OPHN1: variants seen among roughly 807,000 people sequenced by gnomAD.
OPHN1 encodes oligophrenin 1.
In OPHN1, 11 loss-of-function variants were observed where a neutral mutation model predicts 60.7. The observed-to-expected ratio is 0.18, with a 90% CI of 0.11 to 0.30. The LOEUF (loss-of-function observed/expected upper bound fraction) is 0.30, where lower values mean the gene tolerates loss of function less well. Among genes scored for constraint, OPHN1 ranks in the 10% least tolerant of loss-of-function variants. The probability of loss-of-function intolerance (pLI) is 1.00; values close to 1 mark genes in which losing one functional copy is unlikely to be tolerated. For synonymous variants in OPHN1, 226 were observed against 222.6 expected (o/e 1.02, Z -0.14); for missense variants, 449 against 611.0 (o/e 0.73, Z 2.80).
At chrX:68,140,586 C>T (rs143379669) in intron 15 of OPHN1, among the ~76,000 whole-genome samples, 1,318 of 109,840 alleles carry the variant, frequency 0.012, 20 homozygotes, top group African/African-American at 0.042. Context: ...GGAACCTTGG[C>T]CATAAGTGAA....
chrX:68,286,832 G>A (rs771550572), intron 3 of OPHN1, among the ~76,000 whole-genome samples: 2 of 109,962 alleles, frequency 1.8e-5, no homozygotes, highest in Admixed American at 9.8e-5. Flanking sequence ...CCTGGCCAAC[G>A]TGGAGAAACT....
At chrX:68,373,711 A>G (rs1446585931) in intron 2 of OPHN1, among the ~76,000 whole-genome samples, 1 of 112,114 alleles carries the variant, frequency 8.9e-6, no homozygotes, top group African/African-American at 3.2e-5. Context: ...AATGAATACT[A>G]ATAATAACTG....
At chrX:68,225,671 G>T (rs1177013872) in intron 6 of OPHN1, among the ~76,000 whole-genome samples, 1 of 112,361 alleles carries the variant, frequency 8.9e-6, no homozygotes, top group Admixed American at 9.4e-5. Flanking sequence ...CTGACTGTTA[G>T]AAGGAAAACT....
intron 4 of OPHN1, among the ~76,000 whole-genome samples, chrX:68,282,716 C>T (rs1409674034): frequency 9.0e-6 from 1 of 111,507 alleles, no homozygotes; most frequent in Non-Finnish European, 1.9e-5. Context: ...AACTACTCCA[C>T]AAATTAAAGA....
At chrX:68,355,243 G>T (rs955939705) in intron 2 of OPHN1, among the ~76,000 whole-genome samples, 10 of 112,423 alleles carry the variant, frequency 8.9e-5, no homozygotes, top group Admixed American at 5.7e-4. Flanking sequence ...GCAAGAAAAC[G>T]AATTCATTTT....
At chrX:68,051,455 T>G (rs1366781913) in intron 23 of OPHN1, among the ~76,000 whole-genome samples, 1 of 111,590 alleles carries the variant, frequency 9.0e-6, no homozygotes, top group African/African-American at 3.3e-5. Flanking sequence ...GCCCCACTAC[T>G]AGAGATTCTG....
intron 15 of OPHN1, among the ~76,000 whole-genome samples, chrX:68,169,947 A>C (rs1376250716): frequency 3.6e-4 from 39 of 108,696 alleles, no homozygotes; most frequent in African/African-American, 1.3e-3. Flanking sequence ...TAATTAAACT[A>C]AAGAGCTTCT....
At chrX:68,141,451 ATCTT>A (rs2077242331) in intron 15 of OPHN1, among the ~76,000 whole-genome samples, 1 of 112,031 alleles carries the variant, frequency 8.9e-6, no homozygotes, top group African/African-American at 3.2e-5. Context: ...GGAAAAGTGT[ATCTT>A]AGAATCAATG....
At chrX:68,163,017 C>T (rs2077341527) in intron 15 of OPHN1, among the ~76,000 whole-genome samples, 1 of 110,866 alleles carries the variant, frequency 9.0e-6, no homozygotes, top group African/African-American at 3.3e-5. Flanking sequence ...TGAATCTTTG[C>T]AAAGGAAGAC....
chrX:68,167,952 G>A (rs1029625098), intron 15 of OPHN1, among the ~76,000 whole-genome samples: 5 of 110,988 alleles, frequency 4.5e-5, no homozygotes, highest in Admixed American at 9.7e-5. Context: ...AGATCATTAC[G>A]TTAAGGAAAA....
At chrX:68,307,123 T>C (rs2078148851) in intron 2 of OPHN1, among the ~76,000 whole-genome samples, 1 of 111,084 alleles carries the variant, frequency 9.0e-6, no homozygotes, top group Non-Finnish European at 1.9e-5. Flanking sequence ...TACAGTTTCA[T>C]TACTATAGCT....
chrX:68,197,788 C>T (rs994577035), intron 11 of OPHN1, among the ~76,000 whole-genome samples: 1 of 111,624 alleles, frequency 9.0e-6, no homozygotes, highest in African/African-American at 3.3e-5. Context: ...GGCTAATAAG[C>T]AATTTTATGA....
At chrX:68,173,977 G>A (rs920684057) in intron 15 of OPHN1, among the ~76,000 whole-genome samples, 2 of 111,822 alleles carry the variant, frequency 1.8e-5, no homozygotes, top group Non-Finnish European at 3.8e-5. Flanking sequence ...AAGGACTTTT[G>A]GGGTACCAAG....
At chrX:68,202,441 A>G (rs1312817107) in intron 10 of OPHN1, among the ~76,000 whole-genome samples, 1 of 111,425 alleles carries the variant, frequency 9.0e-6, no homozygotes, top group East Asian at 2.8e-4. Context: ...CTCAACAGAG[A>G]CCATGTGATA....
chrX:68,345,034 C>T lies in OPHN1; in HGVS notation c.155-45938G>A, dbSNP rs145456400. 8.0e-5 allele frequency among the ~76,000 whole-genome samples: 9 copies of T among 112,186 alleles called. No homozygotes were observed. The East Asian group carries it at 2.5e-3, about 32-fold the overall frequency. On this transcript the variant is annotated intron_variant, in intron 2 of 24. Transcript: ENST00000355520. ...TCCAAAGAGGAGAAAATCATAATAC[C>T]TATTGTCATAATGTGCTAAATTTAC...
intron 2 of OPHN1, among the ~76,000 whole-genome samples, chrX:68,382,300 C>A (rs1292790510): frequency 1.8e-5 from 2 of 110,550 alleles, no homozygotes; most frequent in Admixed American, 9.8e-5. Flanking sequence ...TGAGCTGAGA[C>A]TGGGCCACTG....
At chrX:68,112,060 T>TTCACACACACACAC in intron 17 of OPHN1, 101 bp from the exon 18 acceptor site, 4 of 367,874 alleles carry the variant, frequency 1.1e-5, no homozygotes, top group African/African-American at 1.3e-4. Flanking sequence ...CATGCACACA[T>TTCACACACACACAC]GCACACACAC....
intron 6 of OPHN1, among the ~76,000 whole-genome samples, chrX:68,224,501 T>C (rs1411818492): frequency 9.0e-6 from 1 of 110,963 alleles, no homozygotes; most frequent in East Asian, 2.8e-4. Context: ...CTACAAAAAA[T>C]AAATAAAATA....
intron 15 of OPHN1, among the ~76,000 whole-genome samples, chrX:68,136,060 A>ATG (rs1276298807): frequency 3.3e-4 from 37 of 111,290 alleles, no homozygotes; most frequent in Non-Finnish European, 6.4e-4. Context: ...ATTGAGTGTC[A>ATG]TCCCTAAGTT....
Sources: gnomAD v4.1 joint callset for allele counts (sites outside exome capture counted in the v4.1 genomes callset) on GRCh38, gnomAD v4.1.1 for gene constraint, MANE v1.5 for transcripts, NCBI Gene and HGNC (gene_info 2026-07-23, HGNC 2026-07-21) for gene names.